Variants in ITFG1 observed in about 807,000 individuals in gnomAD.
ITFG1 encodes the protein T-cell immunomodulatory protein.
ITFG1 carries 34 observed loss-of-function variants against 81.8 expected under a neutral mutation model. The ratio of observed to expected loss-of-function variants is 0.42; its 90% confidence interval spans 0.32 to 0.55. ITFG1 has a LOEUF of 0.55. Among genes scored for constraint, ITFG1 ranks in the 20% least tolerant of loss-of-function variants. The pLI, the probability that ITFG1 is intolerant of heterozygous loss-of-function variation, is 0.17. For missense variants in ITFG1, 672 were observed against 755.4 expected (o/e 0.89, Z 1.29); for synonymous variants, 285 against 270.6 (o/e 1.05, Z -0.52).
intron 13 of ITFG1, among the ~76,000 whole-genome samples, chr16:47,234,643 A>G (rs1965854022): frequency 6.6e-6 from 1 of 152,210 alleles, no homozygotes; most frequent in Non-Finnish European, 1.5e-5. Context: ...AACGAAGAGA[A>G]AATCTTGAAA....
chr16:47,358,156 C>T (rs1224737465), intron 8 of ITFG1, among the ~76,000 whole-genome samples: 2 of 152,190 alleles, frequency 1.3e-5, no homozygotes, highest in African/African-American at 2.4e-5. Context: ...ACTTTGGGTG[C>T]TTTGTGGCAA....
At chr16:47,331,565 G>T (rs1010758754) in intron 8 of ITFG1, among the ~76,000 whole-genome samples, 1 of 152,098 alleles carries the variant, frequency 6.6e-6, no homozygotes, top group African/African-American at 2.4e-5. Context: ...GCGAATAAAG[G>T]TTATCCTAAC....
chr16:47,275,573 T>C (rs1380945363), intron 10 of ITFG1, among the ~76,000 whole-genome samples: 1 of 152,164 alleles, frequency 6.6e-6, no homozygotes, highest in Non-Finnish European at 1.5e-5. Flanking sequence ...ATATATAATC[T>C]GTTTTTCACC....
chr16:47,455,385 T>C (rs1418719260), intron 2 of ITFG1, among the ~76,000 whole-genome samples: 1 of 150,088 alleles, frequency 6.7e-6, no homozygotes, highest in Admixed American at 6.6e-5. Context: ...AAAAAGTCTG[T>C]CTATAAAAAA....
At chr16:47,278,409 G>C (rs956127977) in intron 10 of ITFG1, among the ~76,000 whole-genome samples, 1 of 152,178 alleles carries the variant, frequency 6.6e-6, no homozygotes, top group Non-Finnish European at 1.5e-5. Context: ...ACTGGGACTA[G>C]GGCTGAGTCA....
At chr16:47,228,439 G>C (rs544851282) in intron 13 of ITFG1, among the ~76,000 whole-genome samples, 2 of 152,172 alleles carry the variant, frequency 1.3e-5, no homozygotes, top group African/African-American at 2.4e-5. Flanking sequence ...AGCTCACTAC[G>C]GCCTTGACTT....
In ITFG1 at chr16:47,160,897, C is replaced by T. The variant is rs145384360; in HGVS notation, c.1661+853G>A. ...CATAAGCTGGTTTTGGCAATCAATACATTCGATCGAGATGTTTAATAAAGA... is the reference window on the plus strand; with the variant it reads ...CATAAGCTGGTTTTGGCAATCAATATATTCGATCGAGATGTTTAATAAAGA... On this transcript the variant is annotated intron_variant, in intron 16 of 17. Coordinates refer to ENST00000320640, the MANE Select transcript of ITFG1 (RefSeq NM_030790.5). Among the ~76,000 whole-genome samples the T allele has an allele frequency of 1.7e-3, 261 of 152,224 alleles. 2 individuals are homozygous for T. Among genetic ancestry groups the T allele is most frequent in the African/African-American group, 5.9e-3 (247 of 41,540 alleles).
At chr16:47,171,113 C>A (rs1964954898) in intron 14 of ITFG1, among the ~76,000 whole-genome samples, 1 of 150,384 alleles carries the variant, frequency 6.6e-6, no homozygotes, top group African/African-American at 2.5e-5. Flanking sequence ...CTCACTGCAG[C>A]CTTGAACTCC....
In ITFG1 at chr16:47,204,132, AT is replaced by A. The variant is rs1457269415; in HGVS notation, c.1453+14735del. ...TAAGAAAAACTGTCCATGGTCCCAT[AT>A]AAAAATGTAATTTTGTCCAATACAT... is the stretch of plus-strand genomic sequence containing the variant. On this transcript the variant is annotated intron_variant, in intron 14 of 17. Transcript: ENST00000320640. Among the ~76,000 whole-genome samples, 4 of 152,332 alleles carry A rather than the reference AT, an allele frequency of 2.6e-5. No individual in the cohort carries two copies. In the East Asian group the frequency reaches 7.7e-4, roughly 29 times the overall value.
chr16:47,267,036 T>A (rs1159106854), intron 10 of ITFG1, among the ~76,000 whole-genome samples: 3 of 152,004 alleles, frequency 2.0e-5, no homozygotes, highest in African/African-American at 7.2e-5. Flanking sequence ...CTGAGGGAAT[T>A]GGAGGAAAGG....
At chr16:47,378,368 C>CTG (rs1351829573) in intron 6 of ITFG1, among the ~76,000 whole-genome samples, 2 of 152,318 alleles carry the variant, frequency 1.3e-5, no homozygotes, top group Non-Finnish European at 2.9e-5. Flanking sequence ...AAGAATGACT[C>CTG]TGTGACCACA....
intron 8 of ITFG1, among the ~76,000 whole-genome samples, chr16:47,350,521 T>C (rs1035849702): frequency 9.2e-5 from 14 of 152,284 alleles, no homozygotes; most frequent in African/African-American, 3.4e-4. Context: ...CAGGAAGAAG[T>C]TGATTCTCTG....
chr16:47,195,711 CCTCA>C (rs1479125060), intron 14 of ITFG1, among the ~76,000 whole-genome samples: 1 of 152,008 alleles, frequency 6.6e-6, no homozygotes, highest in East Asian at 1.9e-4. Context: ...TTTATTTCTC[CCTCA>C]CTTTCTTTTT....
chr16:47,323,009 A>AT (rs1423540216), intron 8 of ITFG1, among the ~76,000 whole-genome samples: 2 of 152,080 alleles, frequency 1.3e-5, no homozygotes, highest in Non-Finnish European at 2.9e-5. Flanking sequence ...TTCCCAAATA[A>AT]TTGCCAGGCT....
intron 14 of ITFG1, among the ~76,000 whole-genome samples, chr16:47,166,097 C>G (rs1964886306): frequency 6.6e-6 from 1 of 152,152 alleles, no homozygotes; most frequent in Non-Finnish European, 1.5e-5. Context: ...CAATACAAAG[C>G]CCTTAAGACT....
intron 14 of ITFG1, among the ~76,000 whole-genome samples, chr16:47,165,387 A>G (rs1046092097): frequency 6.6e-6 from 1 of 152,246 alleles, no homozygotes; most frequent in African/African-American, 2.4e-5. Flanking sequence ...GGCATTAACA[A>G]TGTGTATGAA....
intron 6 of ITFG1, among the ~76,000 whole-genome samples, chr16:47,405,247 T>C (rs374002478): frequency 6.6e-6 from 1 of 152,192 alleles, no homozygotes; most frequent in East Asian, 1.9e-4. Context: ...AGTAGCTATA[T>C]TAATATCTAG....
At chr16:47,446,050 G>T (rs750198428) in intron 5 of ITFG1, among the ~76,000 whole-genome samples, 3 of 151,776 alleles carry the variant, frequency 2.0e-5, no homozygotes, top group Admixed American at 6.6e-5. Flanking sequence ...GCTATCTGTT[G>T]TAAGAAAGAA....
At chr16:47,341,574 G>A (rs1032418341) in intron 8 of ITFG1, among the ~76,000 whole-genome samples, 34 of 151,514 alleles carry the variant, frequency 2.2e-4, no homozygotes, top group Admixed American at 2.2e-3. Context: ...ACCAGAAAAA[G>A]AACAAAGTCC....
Sources: gnomAD v4.1 joint callset for allele counts (sites outside exome capture counted in the v4.1 genomes callset) on GRCh38, gnomAD v4.1.1 for gene constraint, MANE v1.5 for transcripts, NCBI Gene and HGNC (gene_info 2026-07-23, HGNC 2026-07-21) for gene names.